The following KLF12 variants were observed in gnomAD, a reference collection of about 807,000 sequenced individuals.
KLF12 encodes Krueppel-like factor 12.
Under a neutral mutation model 37.8 loss-of-function variants are expected in KLF12, and 9 were observed. The ratio of observed to expected loss-of-function variants is 0.24; its 90% CI spans 0.14 to 0.42. KLF12 has a LOEUF of 0.42. Ranked by LOEUF, KLF12 falls within the 10% of genes least tolerant of loss-of-function variation. The pLI is 1.00. For synonymous variants in KLF12, 208 were observed against 202.1 expected, an observed-to-expected ratio of 1.03 and a Z score of -0.25; for missense variants, 411 against 516.0, an observed-to-expected ratio of 0.80 and a Z score of 1.97.
intron 3 of KLF12, among the ~76,000 whole-genome samples, chr13:73,860,144 G>T (rs577343681): frequency 6.6e-6 from 1 of 152,252 alleles, no homozygotes; most frequent in Admixed American, 6.5e-5. Flanking sequence ...TTCAGTTTCT[G>T]ATTGAAGATG....
At chr13:73,860,011 A>C (rs1885832347) in intron 3 of KLF12, among the ~76,000 whole-genome samples, 1 of 152,184 alleles carries the variant, frequency 6.6e-6, no homozygotes, top group South Asian at 2.1e-4. Flanking sequence ...AATGTAATAA[A>C]GCGGAACTTT....
At chr13:74,163,706 A>C in the KLF12 span, among the ~76,000 whole-genome samples, 1 of 152,106 alleles carries the variant, frequency 6.6e-6, no homozygotes, top group East Asian at 1.9e-4. Flanking sequence ...TGCATATTTC[A>C]AAATAACTTA....
chr13:74,174,952 G>T, the KLF12 span, among the ~76,000 whole-genome samples: 23 of 152,226 alleles, frequency 1.5e-4, no homozygotes, highest in African/African-American at 5.5e-4. Flanking sequence ...AGTAACAATG[G>T]CACAAATCAC....
At chr13:74,265,603 T>A in the KLF12 span, among the ~76,000 whole-genome samples, 1 of 152,180 alleles carries the variant, frequency 6.6e-6, no homozygotes, top group Admixed American at 6.5e-5. Context: ...GGCACTGTGG[T>A]TCAATGGTCA....
the KLF12 span, among the ~76,000 whole-genome samples, chr13:74,240,154 C>G: frequency 5.5e-4 from 84 of 152,194 alleles, no homozygotes; most frequent in African/African-American, 1.6e-3. Context: ...GACAAAGTCT[C>G]TCAGCATTTG....
At chr13:74,156,537 T>C in the KLF12 span, among the ~76,000 whole-genome samples, 146 of 152,106 alleles carry the variant, frequency 9.6e-4, 1 homozygote, top group East Asian at 0.024. Flanking sequence ...ACAGCCACCT[T>C]ATTGTGCTAT....
chr13:74,213,535 G>A, the KLF12 span, among the ~76,000 whole-genome samples: 5 of 151,434 alleles, frequency 3.3e-5, no homozygotes, highest in Admixed American at 3.3e-4. Context: ...CCTTTAACTG[G>A]TAGTTAGAAT....
chr13:73,939,529 T>A lies in KLF12; in HGVS notation c.123+4452A>T, dbSNP rs1052841464. Among the ~76,000 whole-genome samples the A allele has an allele frequency of 1.4e-4, 21 of 152,196 alleles. 1 individual carries two copies. Among genetic ancestry groups the A allele is most frequent in the African/African-American group, 4.6e-4 (19 of 41,454 alleles). On this transcript the variant is annotated intron_variant, in intron 3 of 7. Transcript: ENST00000377669. ...TTAAAAAAAGAGTTCTAATTTCAGA[T>A]CTACCTACCCTATGTCTACTTGGAG...
chr13:73,866,463 A>G lies in KLF12; in HGVS notation c.124-20090T>C, dbSNP rs571210864. ...AAGCAATATAAATTCAAAAGAAACTACTCAAAAGTAGTCAGTGAAAAGATG... is the reference window on the plus strand; with the variant it reads ...AAGCAATATAAATTCAAAAGAAACTGCTCAAAAGTAGTCAGTGAAAAGATG... On this transcript the variant is annotated intron_variant, in intron 3 of 7. Coordinates refer to ENST00000377669, the MANE Select transcript of KLF12 (RefSeq NM_007249.5). 6.1e-4 allele frequency among the ~76,000 whole-genome samples: 93 copies of G among 152,256 alleles called. 4 individuals carry two copies. The South Asian group carries it at 0.019, about 31-fold the overall frequency.
the KLF12 span, among the ~76,000 whole-genome samples, chr13:74,164,664 C>T: frequency 5.9e-5 from 9 of 152,092 alleles, no homozygotes; most frequent in Admixed American, 5.9e-4. Context: ...CTTTTGGGTT[C>T]AAATAAGAGA....
rs146640452 is a variant in KLF12, at chr13:73,755,862, C to T, written c.869+9076G>A. Among the ~76,000 whole-genome samples, 1,029 of 152,156 alleles carry T rather than the reference C, an allele frequency of 6.8e-3. 6 individuals carry two copies. The highest frequency in any genetic ancestry group is 0.011 in the Admixed American group (171 of 15,282). The stretch of plus-strand genomic sequence containing the variant: ...TGAGAACATACGATGTTTGGTTTTC[C>T]ATTCCTGAGTTACTTCACTTAGAAT... On this transcript the variant is annotated intron_variant, in intron 6 of 7. Coordinates refer to ENST00000377669, the MANE Select transcript of KLF12 (RefSeq NM_007249.5).
intron 6 of KLF12, among the ~76,000 whole-genome samples, chr13:73,759,924 G>A (rs1373813158): frequency 6.6e-6 from 1 of 152,104 alleles, no homozygotes; most frequent in Non-Finnish European, 1.5e-5. Flanking sequence ...AAGAAAGAAT[G>A]TTCTCATTTT....
intron 7 of KLF12, among the ~76,000 whole-genome samples, chr13:73,696,922 T>G (rs974245025): frequency 6.6e-6 from 1 of 152,202 alleles, no homozygotes; most frequent in Non-Finnish European, 1.5e-5. Context: ...TTCCTATTTC[T>G]ATGACATCAC....
intron 6 of KLF12, among the ~76,000 whole-genome samples, chr13:73,750,667 G>A (rs951939991): frequency 6.6e-6 from 1 of 152,146 alleles, no homozygotes; most frequent in Non-Finnish European, 1.5e-5. Context: ...TACATGTGCA[G>A]GACATGCAGG....
intron 3 of KLF12, among the ~76,000 whole-genome samples, chr13:73,896,214 A>C (rs1887762468): frequency 2.0e-5 from 3 of 152,238 alleles, no homozygotes; most frequent in Admixed American, 2.0e-4. Flanking sequence ...AAAATCAAAA[A>C]TAGTTGCTAT....
the KLF12 span, among the ~76,000 whole-genome samples, chr13:74,269,433 C>T: frequency 9.9e-4 from 151 of 151,998 alleles, 3 homozygotes; most frequent in South Asian, 0.022. Context: ...ACAGGCTGAA[C>T]AATATTTATG....
chr13:73,989,908 A>C (rs1289295835), intron 2 of KLF12, among the ~76,000 whole-genome samples: 1 of 152,150 alleles, frequency 6.6e-6, no homozygotes, highest in Non-Finnish European at 1.5e-5. Context: ...AAATAATTAC[A>C]CATAAAAGTT....
chr13:74,089,278 T>C (rs898159359), intron 1 of KLF12, among the ~76,000 whole-genome samples: 3 of 152,272 alleles, frequency 2.0e-5, no homozygotes, highest in Non-Finnish European at 2.9e-5. Context: ...TTCATGAATA[T>C]AGTAGATTCA....
At chr13:74,061,469 C>T (rs12854743) in intron 1 of KLF12, among the ~76,000 whole-genome samples, 13,201 of 152,154 alleles carry the variant, frequency 0.087, 764 homozygotes, top group Non-Finnish European at 0.13. Context: ...AAGTGGCACG[C>T]CAGTTATTGC....
Sources: gnomAD v4.1 joint callset for allele counts (sites outside exome capture counted in the v4.1 genomes callset) on GRCh38, gnomAD v4.1.1 for gene constraint, MANE v1.5 for transcripts, NCBI Gene and HGNC (gene_info 2026-07-23, HGNC 2026-07-21) for gene names.